The following DOCK10 variants were observed in gnomAD, a reference collection of about 807,000 sequenced individuals.
DOCK10 encodes the protein dedicator of cytokinesis protein 10.
Under a neutral mutation model 280.1 loss-of-function variants are expected in DOCK10, and 145 were observed. The ratio of observed to expected loss-of-function variants is 0.52; its 90% CI spans 0.45 to 0.59. DOCK10 has a LOEUF of 0.59. Ranked by LOEUF, DOCK10 falls within the 20% of genes least tolerant of loss-of-function variation. The pLI is 0.00. For missense variants in DOCK10, 2,368 were observed against 2,651.7 expected (o/e 0.89, Z 2.35); for synonymous variants, 915 against 942.2 (o/e 0.97, Z 0.53).
intron 1 of DOCK10, among the ~76,000 whole-genome samples, chr2:224,935,668 C>T (rs1702644001): frequency 6.6e-6 from 1 of 151,998 alleles, no homozygotes; most frequent in Non-Finnish European, 1.5e-5. Flanking sequence ...CTTTTTAAAC[C>T]CCTGGAAGAG....
intron 28 of DOCK10, among the ~76,000 whole-genome samples, chr2:224,821,208 G>C (rs921784997): frequency 5.3e-5 from 8 of 152,208 alleles, no homozygotes; most frequent in African/African-American, 1.9e-4. Flanking sequence ...CCACACACTG[G>C]TTCCCAGAGG....
At chr2:224,990,142 A>G (rs2126268708) in intron 1 of DOCK10, among the ~76,000 whole-genome samples, 1 of 152,318 alleles carries the variant, frequency 6.6e-6, no homozygotes, top group East Asian at 1.9e-4. Context: ...TCGTTGGTAC[A>G]TTTGGATGCA....
intron 2 of DOCK10, among the ~76,000 whole-genome samples, chr2:224,923,571 G>A (rs577562192): frequency 1.3e-5 from 2 of 152,302 alleles, no homozygotes; most frequent in South Asian, 2.1e-4. Flanking sequence ...AGTGAAGAGG[G>A]TTGCCTGCTG....
intron 11 of DOCK10, among the ~76,000 whole-genome samples, chr2:224,870,161 G>C (rs1176400421): frequency 6.6e-6 from 1 of 152,108 alleles, no homozygotes; most frequent in Admixed American, 6.5e-5. Flanking sequence ...GGTTTTATAA[G>C]GGGCTTTTCC....
chr2:224,911,365 G>A (rs934257100), intron 3 of DOCK10, among the ~76,000 whole-genome samples: 1 of 152,194 alleles, frequency 6.6e-6, no homozygotes, highest in African/African-American at 2.4e-5. Flanking sequence ...ATTTGAAGTT[G>A]TGAGGTAGAA....
intron 1 of DOCK10, among the ~76,000 whole-genome samples, chr2:224,984,891 G>C (rs1363777003): frequency 6.7e-6 from 1 of 149,520 alleles, no homozygotes; most frequent in African/African-American, 2.5e-5. Context: ...GCCCAGGCTG[G>C]AGTACAGTGG....
intron 1 of DOCK10, chr2:224,982,377 C>A: frequency 8.1e-7 from 1 of 1,231,836 alleles, no homozygotes; most frequent in Non-Finnish European, 1.0e-6. Flanking sequence ...ATCGCTGCAT[C>A]CTGGAGCCTA....
chr2:224,887,948 C>G (rs918221803), intron 4 of DOCK10, among the ~76,000 whole-genome samples: 3 of 152,124 alleles, frequency 2.0e-5, no homozygotes, highest in African/African-American at 7.2e-5. Flanking sequence ...CCTCTCACCC[C>G]TGGTAACTGT....
chr2:224,854,204 T>C (rs1237546415), intron 16 of DOCK10, among the ~76,000 whole-genome samples: 2 of 152,042 alleles, frequency 1.3e-5, no homozygotes, highest in Non-Finnish European at 2.9e-5. Flanking sequence ...TAGAGTTCAT[T>C]ATAGGAGGCC....
intron 3 of DOCK10, among the ~76,000 whole-genome samples, chr2:224,912,250 C>T (rs1228202774): frequency 6.6e-6 from 1 of 151,976 alleles, no homozygotes; most frequent in Non-Finnish European, 1.5e-5. Context: ...ATTCTCCTGC[C>T]TCAGCATCCC....
intron 1 of DOCK10, among the ~76,000 whole-genome samples, chr2:225,029,166 T>C: frequency 6.6e-6 from 1 of 152,064 alleles, no homozygotes. Flanking sequence ...TCTATTTTAT[T>C]TTATTTATTT....
intron 44 of DOCK10, among the ~76,000 whole-genome samples, chr2:224,795,361 C>T (rs1019058864): frequency 2.0e-5 from 3 of 152,174 alleles, no homozygotes; most frequent in Admixed American, 6.5e-5. Flanking sequence ...GAGATATATT[C>T]CCCTTCCTGA....
rs563920211 is a variant in DOCK10 at position 225,041,887 on chromosome 2, C to T, written c.123+365G>A. Among the ~76,000 whole-genome samples the T allele has an allele frequency of 7.9e-5, 12 of 152,318 alleles. No individual in the cohort carries two copies. In the South Asian group the frequency reaches 2.5e-3, roughly 32 times the overall value. On this transcript the variant is annotated intron_variant, in intron 1 of 55. Coordinates refer to ENST00000258390, the MANE Select transcript of DOCK10 (RefSeq NM_014689.3). ...GGGTTCTGTTCTGTAGATCCCCCCA[C>T]CCCACCCGGGGTCTCTGGCACTCGT...
chr2:224,769,711 G>A (rs1483047048), intron 55 of DOCK10, among the ~76,000 whole-genome samples: 1 of 152,276 alleles, frequency 6.6e-6, no homozygotes, highest in African/African-American at 2.4e-5. Context: ...GTGGGTGGTT[G>A]AGTTTTATCT....
chr2:224,914,575 C>T (rs570061360), intron 3 of DOCK10, among the ~76,000 whole-genome samples: 16 of 152,230 alleles, frequency 1.1e-4, no homozygotes, highest in South Asian at 4.1e-4. Flanking sequence ...CATGTGATAA[C>T]AGGGCAGCCA....
At chr2:224,846,987 G>T (rs759357540) in intron 19 of DOCK10, among the ~76,000 whole-genome samples, 6 of 152,130 alleles carry the variant, frequency 3.9e-5, no homozygotes, top group South Asian at 4.1e-4. Flanking sequence ...ATGCAGCTTC[G>T]GCATGGAATT....
At chr2:224,777,079 A>G (rs1574797819) in intron 51 of DOCK10, among the ~76,000 whole-genome samples, 1 of 152,236 alleles carries the variant, frequency 6.6e-6, no homozygotes, top group East Asian at 1.9e-4. Flanking sequence ...CTTGGCATTC[A>G]GCAGGCATTT....
chr2:224,881,834 C>T lies in DOCK10; in HGVS notation c.747+3837G>A, dbSNP rs145914698. 1.4e-3 allele frequency among the ~76,000 whole-genome samples: 209 copies of T among 152,272 alleles called. 2 individuals are homozygous for T. Among genetic ancestry groups the T allele is most frequent in the African/African-American group, 4.5e-3 (187 of 41,552 alleles). The stretch of plus-strand genomic sequence containing the variant: ...ATTTGTTTTCCTTGTAATGTTCTTT[C>T]CCCTGCTCCCAATATGACTTGCTTT... On this transcript the variant is annotated intron_variant, in intron 7 of 55. Coordinates refer to ENST00000258390, the MANE Select transcript of DOCK10 (RefSeq NM_014689.3).
At chr2:224,826,746 TC>T (rs1694883049) in intron 27 of DOCK10, among the ~76,000 whole-genome samples, 1 of 69,680 alleles carries the variant, frequency 1.4e-5, no homozygotes, top group Admixed American at 1.6e-4. Flanking sequence ...TAATTATCTA[TC>T]TATCTATCTA....
Sources: allele counts gnomAD v4.1 joint callset (sites outside exome capture counted in the v4.1 genomes callset), GRCh38; gene constraint gnomAD v4.1.1; transcripts MANE v1.5; gene names NCBI Gene and HGNC (gene_info 2026-07-23, HGNC 2026-07-21).